Variants in AP1G2 observed in about 807,000 individuals in gnomAD.
AP1G2 encodes the protein AP-1 complex subunit gamma-like 2.
A neutral mutation model predicts 95.8 loss-of-function variants in AP1G2; 85 were observed. The observed-to-expected ratio is 0.89, with a 90% CI of 0.74 to 1.06. The LOEUF is 1.06. AP1G2 is among the 50% of genes least tolerant of loss of function. The pLI is 0.00. For synonymous variants in AP1G2, 378 were observed against 400.0 expected (o/e 0.94, Z 0.66); for missense variants, 967 against 1,005.8 (o/e 0.96, Z 0.52).
intron 7 of AP1G2, 95 bp from the exon 8 acceptor site, chr14:23,565,294 G>C: frequency 7.8e-7 from 1 of 1,289,042 alleles, no homozygotes; most frequent in Non-Finnish European, 1.1e-6. Context: ...GGTCTGGCTC[G>C]CTCCCTAGAG....
intron 21 of AP1G2, 26 bp downstream of exon 21, chr14:23,559,912 G>A: frequency 6.2e-7 from 1 of 1,611,282 alleles, no homozygotes; most frequent in Non-Finnish European, 8.5e-7. Flanking sequence ...CCTGGGTCTT[G>A]TCTTGGGGGA....
intron 20 of AP1G2, 52 bp downstream of exon 20, chr14:23,560,203 G>A: frequency 6.3e-7 from 1 of 1,595,552 alleles, no homozygotes; most frequent in Non-Finnish European, 8.6e-7. Context: ...CCACTTAGTG[G>A]CCTTTTCTCC....
Position 23,560,324 on chromosome 14 carries a change from G to A in AP1G2, c.2088C>T (p.Ile696=), listed in dbSNP as rs750167014. ...CTGAGAAGTTGGTGGCAGTGATGGT[G>A]ATTAACAGCAAAGCAGGGTTTTCAG... The part of the protein sequence containing the change: ...RPPENPALLL[I]TITATNFSEG... Residue 696 remains isoleucine, a synonymous_variant, in exon 20 of 22, where the codon ATC becomes ATT. Transcript: ENST00000397120. The A allele has an allele frequency of 1.2e-6, 2 of 1,614,124 alleles. No homozygotes were observed. Among genetic ancestry groups the A allele is most frequent in the South Asian group, 2.2e-5 (2 of 91,064 alleles).
Position 23,566,831 on chromosome 14 carries a change from G to C in AP1G2, c.205-145C>G. On this transcript the variant is annotated intron_variant, in intron 2 of 21. Transcript: ENST00000397120. ...CCCTTCAACAAGAGGAGAAGCTTAG[G>C]AAATTCAGGCGTTAGTGGGTAGGAG... 4 of 1,269,896 alleles carry C rather than the reference G, an allele frequency of 3.1e-6. No individual in the cohort carries two copies. In the Admixed American group the frequency reaches 9.3e-5, roughly 30 times the overall value. 78.7% of individuals were successfully genotyped at this position (1,269,896 alleles called of 1,614,324 possible).
At chr14:23,561,848 C>G (rs554703932) in intron 17 of AP1G2, 114 bp downstream of exon 17, 1 of 1,478,704 alleles carries the variant, frequency 6.8e-7, no homozygotes, top group Non-Finnish European at 9.0e-7. Flanking sequence ...GTGGGAAGCT[C>G]TCACCGTGGA....
Position 23,559,988 on chromosome 14 carries a change from G to T in AP1G2, c.2206C>A (p.Arg736=). ...AGCTGGGTGATAGGAAGGCCACCCC[G>T]AGCTGGAACTGTGTTCCCACTGGGG... is the stretch of plus-strand genomic sequence containing the variant. The part of the protein sequence containing the change: ...QAPSGNTVPA[R]GGLPITQLFR... The change falls in exon 21 of 22, where the codon CGG becomes AGG. Residue 736 remains arginine (R), a synonymous_variant. Coordinates refer to ENST00000397120, the MANE Select transcript of AP1G2 (RefSeq NM_003917.5). 6.2e-7 allele frequency: 1 copy of T among 1,612,940 alleles called. No individual in the cohort carries two copies. Among genetic ancestry groups the T allele is most frequent in the Non-Finnish European group, 8.5e-7 (1 of 1,179,384 alleles).
In AP1G2 at chr14:23,564,113, T is replaced by C. The variant is rs746363710; in HGVS notation, c.1024A>G (p.Ser342Gly). ...GTGGGCCGATGCCGCTGCACAGCAC[T>C]GTGATCAGACTGCACCAGTCGAAGC... Reference protein sequence around the residue: ...SLLRLVQSDHSAVQRHRPTVV... With the variant: ...SLLRLVQSDHGAVQRHRPTVV... Residue 342 changes from serine (S) to glycine (G), a missense_variant, in exon 11 of 22, where the codon AGT becomes GGT. Ser to Gly is a moderately conservative substitution (Grantham distance 56, BLOSUM62 0). Coordinates refer to ENST00000397120, the MANE Select transcript of AP1G2 (RefSeq NM_003917.5). 2 of 1,614,216 alleles carry C rather than the reference T, an allele frequency of 1.2e-6. No individual in the cohort carries two copies. The highest frequency in any genetic ancestry group is 1.3e-5 in the African/African-American group (1 of 75,060).
At chr14:23,562,856 TG>T in intron 14 of AP1G2, 1 of 528,660 alleles carries the variant, frequency 1.9e-6, no homozygotes, top group Non-Finnish European at 3.2e-6. Flanking sequence ...GCAGAGATGG[TG>T]GGGGGTTGGA....
Position 23,560,334 on chromosome 14 carries a change from A to G in AP1G2, c.2078T>C (p.Leu693Ser). Residue 693 changes from leucine to serine, a missense_variant, in exon 20 of 22, where the codon TTG becomes TCG. Leu to Ser is a moderately radical substitution (Grantham distance 145, BLOSUM62 -2). Transcript: ENST00000397120. ...GGTGGCAGTGATGGTGATTAACAGC[A>G]AAGCAGGGTTTTCAGGGGGTCGAAT... ...SFIRPPENPA[L>S]LLITITATNF... 2 of 1,614,152 alleles carry G rather than the reference A, an allele frequency of 1.2e-6. No homozygotes were observed. The highest frequency in any genetic ancestry group is 1.7e-6 in the Non-Finnish European group (2 of 1,180,030).
intron 5 of AP1G2, 62 bp downstream of exon 5, chr14:23,566,002 C>G: frequency 6.2e-7 from 1 of 1,613,524 alleles, no homozygotes; most frequent in Non-Finnish European, 8.5e-7. Flanking sequence ...GGGTTCCCAT[C>G]CGATTTTCAA....
At chr14:23,561,049 T>C in intron 19 of AP1G2, 4 of 1,195,990 alleles carry the variant, frequency 3.3e-6, no homozygotes, top group Non-Finnish European at 4.2e-6. Flanking sequence ...AGTGAGTGGG[T>C]AGTGGGAAAG....
At position 23,567,368 on chromosome 14, in the gene AP1G2, G is replaced by A. The variant is rs916248296; in HGVS notation, c.-5-49C>T. On this transcript the variant is annotated intron_variant, in intron 1 of 21. Transcript: ENST00000397120. This position sits in a 1 kb window ranked among gnomAD's most constrained non-coding sequence, Gnocchi z 5.3. Reference sequence around the variant, plus strand: ...AACACTCTCTGGTCGGGCGTGCCTGGGCTTTCGGCCCAGGCCCGTCCTGTG... The same window carrying A: ...AACACTCTCTGGTCGGGCGTGCCTGAGCTTTCGGCCCAGGCCCGTCCTGTG... 1.3e-6 allele frequency: 2 copies of A among 1,569,794 alleles called. No individual in the cohort carries two copies. Among genetic ancestry groups the A allele is most frequent in the African/African-American group, 2.7e-5 (2 of 73,182 alleles).
At chr14:23,566,043 T>TG (rs749754123) in intron 5 of AP1G2, 21 bp downstream of exon 5, 5 of 1,614,044 alleles carry the variant, frequency 3.1e-6, no homozygotes, top group Admixed American at 1.7e-5. Context: ...AAGCAAAGGA[T>TG]GGGGGGCCCC....
At chr14:23,562,623 C>G in intron 14 of AP1G2, 30 bp from the exon 15 acceptor site, 1 of 1,603,022 alleles carries the variant, frequency 6.2e-7, no homozygotes. Flanking sequence ...GCTGGGCTGG[C>G]CAGGCATGGT....
chr14:23,565,324 C>T (rs1199280912), intron 7 of AP1G2, 125 bp from the exon 8 acceptor site: 3 of 1,002,886 alleles, frequency 3.0e-6, no homozygotes, highest in Non-Finnish European at 4.5e-6. Context: ...ACCTCCTCAC[C>T]TCCACAGGTC....
At chr14:23,565,458 C>T in intron 7 of AP1G2, 148 bp downstream of exon 7, 1 of 768,472 alleles carries the variant, frequency 1.3e-6, no homozygotes, top group Non-Finnish European at 2.1e-6. Flanking sequence ...CCTCACAGGT[C>T]CTGGGATGAC....
rs771618082 is a variant in AP1G2, at chr14:23,562,432, A to G, written c.1501-17T>C. On this transcript the variant is annotated splice_polypyrimidine_tract_variant and intron_variant, in intron 15 of 21. Transcript: ENST00000397120. ...TTCGTCCACCTTCAGACATGGATACAGTTAGTGGCCCTGGTGCAAGTCCTG... is the reference window on the plus strand; with the variant it reads ...TTCGTCCACCTTCAGACATGGATACGGTTAGTGGCCCTGGTGCAAGTCCTG... 5.6e-6 allele frequency: 9 copies of G among 1,614,158 alleles called. No homozygotes were observed. Among genetic ancestry groups the G allele is most frequent in the Admixed American group, 1.7e-5 (1 of 60,024 alleles).
At chr14:23,563,041 T>C (rs1885884388) in intron 14 of AP1G2, 1 of 1,210,758 alleles carries the variant, frequency 8.3e-7, no homozygotes. Context: ...AAGGGGGCTA[T>C]AGATACTGGC....
chr14:23,566,701 G>T lies in AP1G2; in HGVS notation c.205-15C>A. The T allele has an allele frequency of 1.2e-6, 2 of 1,613,004 alleles. No homozygotes were observed. Among genetic ancestry groups the T allele is most frequent in the Non-Finnish European group, 1.7e-6 (2 of 1,179,044 alleles). On this transcript the variant is annotated splice_polypyrimidine_tract_variant and intron_variant, in intron 2 of 21. Transcript: ENST00000397120. The stretch of plus-strand genomic sequence containing the variant: ...AGGCACTCCATCTATAGTGAAGGGG[G>T]CAGACCAGGAAGAGGCAGGGGTGAA...
Sources: gnomAD v4.1 joint callset for allele counts on GRCh38, gnomAD v4.1.1 for gene constraint, Gnocchi (gnomAD v3.1) non-coding constraint, MANE v1.5 for transcripts, NCBI Gene and HGNC (gene_info 2026-07-23, HGNC 2026-07-21) for gene names.